Variants in DPYD observed in about 807,000 individuals in gnomAD.
DPYD encodes the protein dihydropyrimidine dehydrogenase [NADP(+)].
A neutral mutation model predicts 116.2 loss-of-function variants in DPYD; 109 were observed. The ratio of observed to expected loss-of-function variants is 0.94; its 90% confidence interval spans 0.80 to 1.10. The LOEUF is 1.10. DPYD is among the 50% of genes least tolerant of loss of function. The pLI, the probability that DPYD is intolerant of heterozygous loss-of-function variation, is 0.00. For synonymous variants in DPYD, 440 were observed against 432.0 expected (o/e 1.02, Z -0.23); for missense variants, 1,302 against 1,254.5 (o/e 1.04, Z -0.57).
At chr1:97,495,531 TTTA>T (rs1322684647) in intron 13 of DPYD, among the ~76,000 whole-genome samples, 1 of 152,080 alleles carries the variant, frequency 6.6e-6, no homozygotes, top group African/African-American at 2.4e-5. Flanking sequence ...TATTGTTGAT[TTTA>T]TTATTATTGA....
At chr1:97,729,578 A>C (rs1057021127) in intron 4 of DPYD, among the ~76,000 whole-genome samples, 12 of 152,150 alleles carry the variant, frequency 7.9e-5, no homozygotes, top group Non-Finnish European at 1.8e-4. Context: ...AAGTAGAATA[A>C]GAAATACAGA....
intron 3 of DPYD, among the ~76,000 whole-genome samples, chr1:97,816,896 G>T (rs1023537177): frequency 2.0e-5 from 3 of 152,152 alleles, no homozygotes; most frequent in Non-Finnish European, 4.4e-5. Flanking sequence ...CATGTTCATT[G>T]ATAAAATTGG....
chr1:97,575,773 T>C (rs960188849), intron 10 of DPYD, among the ~76,000 whole-genome samples: 2 of 152,220 alleles, frequency 1.3e-5, no homozygotes, highest in African/African-American at 2.4e-5. Flanking sequence ...AGTTTCCTTA[T>C]ATATAAAATG....
intron 14 of DPYD, among the ~76,000 whole-genome samples, chr1:97,409,230 T>A (rs1311087442): frequency 6.6e-6 from 1 of 152,148 alleles, no homozygotes; most frequent in Non-Finnish European, 1.5e-5. Context: ...CAAATATGAT[T>A]TTATGTAAAT....
chr1:97,105,877 A>T (rs1409668485), intron 20 of DPYD, among the ~76,000 whole-genome samples: 1 of 152,156 alleles, frequency 6.6e-6, no homozygotes, highest in Non-Finnish European at 1.5e-5. Context: ...TAGTTGTAGG[A>T]GGAGAAGAGA....
intron 18 of DPYD, among the ~76,000 whole-genome samples, chr1:97,236,384 T>C (rs1661927693): frequency 6.6e-6 from 1 of 151,162 alleles, no homozygotes; most frequent in Admixed American, 6.6e-5. Context: ...TGGCCAGAAC[T>C]TAAAATTAAA....
At chr1:97,133,023 T>C (rs1653452853) in intron 20 of DPYD, among the ~76,000 whole-genome samples, 1 of 152,062 alleles carries the variant, frequency 6.6e-6, no homozygotes, top group Non-Finnish European at 1.5e-5. Context: ...AGTAAGGCCT[T>C]AGTTTTCCTT....
intron 8 of DPYD, among the ~76,000 whole-genome samples, chr1:97,664,565 C>T (rs969356135): frequency 6.6e-6 from 1 of 151,404 alleles, no homozygotes. Context: ...TAGTTTTATA[C>T]CTTGGGTATA....
At chr1:97,816,008 AATAAC>A in intron 3 of DPYD, among the ~76,000 whole-genome samples, 1 of 152,172 alleles carries the variant, frequency 6.6e-6, no homozygotes, top group Non-Finnish European at 1.5e-5. Context: ...GCTGTCACCA[AATAAC>A]ATCTTGCACA....
At chr1:97,311,039 G>A (rs938297365) in intron 16 of DPYD, among the ~76,000 whole-genome samples, 1 of 151,784 alleles carries the variant, frequency 6.6e-6, no homozygotes, top group Non-Finnish European at 1.5e-5. Flanking sequence ...GAAAAACCAT[G>A]AGTATGGAAA....
intron 14 of DPYD, among the ~76,000 whole-genome samples, chr1:97,447,864 ATTAGCT>A (rs1161980781): frequency 6.6e-6 from 1 of 152,042 alleles, no homozygotes; most frequent in African/African-American, 2.4e-5. Context: ...TTTCAGACAC[ATTAGCT>A]TATCTAGATA....
intron 18 of DPYD, among the ~76,000 whole-genome samples, chr1:97,275,198 G>A (rs1478914551): frequency 2.0e-5 from 3 of 152,138 alleles, no homozygotes; most frequent in Non-Finnish European, 4.4e-5. Flanking sequence ...AAATCATCCA[G>A]AGCATGGAAT....
chr1:97,869,816 T>C (rs1322911605), intron 2 of DPYD, among the ~76,000 whole-genome samples: 1 of 151,840 alleles, frequency 6.6e-6, no homozygotes, highest in African/African-American at 2.4e-5. Context: ...TAAAATGGTA[T>C]GTAAGCCCCT....
At chr1:97,303,620 C>T (rs2101029949) in intron 18 of DPYD, among the ~76,000 whole-genome samples, 1 of 152,066 alleles carries the variant, frequency 6.6e-6, no homozygotes, top group South Asian at 2.1e-4. Flanking sequence ...TAAACTTAAG[C>T]AAGCATTACT....
chr1:97,801,334 C>T (rs971434987), intron 3 of DPYD, among the ~76,000 whole-genome samples: 1 of 151,762 alleles, frequency 6.6e-6, no homozygotes, highest in Non-Finnish European at 1.5e-5. Context: ...GTTGTTTAAG[C>T]GATCCATTGA....
intron 20 of DPYD, among the ~76,000 whole-genome samples, chr1:97,115,877 C>T (rs1651927577): frequency 6.6e-6 from 1 of 152,082 alleles, no homozygotes; most frequent in South Asian, 2.1e-4. Context: ...TGGTTAAATA[C>T]ATAATAAGTA....
intron 4 of DPYD, among the ~76,000 whole-genome samples, chr1:97,724,984 A>AGAGAGAGG (rs1304899110): frequency 6.7e-6 from 1 of 148,934 alleles, no homozygotes; most frequent in African/African-American, 2.5e-5. Flanking sequence ...AGAGAGAGAG[A>AGAGAGAGG]GAAAGTTATC....
intron 13 of DPYD, among the ~76,000 whole-genome samples, chr1:97,452,887 C>T (rs1184293768): frequency 6.6e-6 from 1 of 152,084 alleles, no homozygotes. Flanking sequence ...ACTTATTTTT[C>T]TTCATAAATT....
chr1:97,266,085 G>A (rs1198452257), intron 18 of DPYD, among the ~76,000 whole-genome samples: 1 of 151,978 alleles, frequency 6.6e-6, no homozygotes, highest in Non-Finnish European at 1.5e-5. Flanking sequence ...TAGCTAATAG[G>A]GACATCTAGA....
Sources: allele counts gnomAD v4.1 joint callset (sites outside exome capture counted in the v4.1 genomes callset), GRCh38; gene constraint gnomAD v4.1.1; transcripts MANE v1.5; gene names NCBI Gene and HGNC (gene_info 2026-07-23, HGNC 2026-07-21).